The following FABP7 variants were observed in gnomAD, a reference collection of about 807,000 sequenced individuals.
The protein encoded by FABP7 is fatty acid-binding protein, brain.
A neutral mutation model predicts 14.2 loss-of-function variants in FABP7; 13 were observed. That is an observed-to-expected ratio of 0.91 (90% confidence interval 0.59 to 1.45). The LOEUF (loss-of-function observed/expected upper bound fraction) is 1.45, where lower values mean the gene tolerates loss of function less well. Among genes scored for constraint, FABP7 ranks in the 40% most tolerant of loss-of-function variants. FABP7 has a pLI of 0.00. For synonymous variants in FABP7, 49 were observed against 51.4 expected (o/e 0.95, Z 0.20); for missense variants, 149 against 157.6 (o/e 0.95, Z 0.29).
the FABP7 span, among the ~76,000 whole-genome samples, chr6:122,765,632 C>T: frequency 6.6e-6 from 1 of 152,010 alleles, no homozygotes; most frequent in Non-Finnish European, 1.5e-5. Flanking sequence ...CTATTCATTA[C>T]TGTCTCCTAT....
chr6:122,751,708 G>A, the FABP7 span, among the ~76,000 whole-genome samples: 4 of 152,142 alleles, frequency 2.6e-5, no homozygotes, highest in Admixed American at 1.3e-4. Flanking sequence ...CCTGGGAACT[G>A]AGGTACAAAC....
chr6:122,782,491 A>G, intron 3 of FABP7: 1 of 969,158 alleles, frequency 1.0e-6, no homozygotes, highest in Non-Finnish European at 1.2e-6. Flanking sequence ...GATCAAATAT[A>G]AAATAATTAA....
At chr6:122,753,569 ACT>A in the FABP7 span, among the ~76,000 whole-genome samples, 25 of 152,260 alleles carry the variant, frequency 1.6e-4, no homozygotes, top group East Asian at 4.4e-3. Flanking sequence ...CACAGTGGGT[ACT>A]GTCACCGATA....
At chr6:122,755,504 G>A in the FABP7 span, among the ~76,000 whole-genome samples, 1 of 144,686 alleles carries the variant, frequency 6.9e-6, no homozygotes, top group African/African-American at 2.5e-5. Context: ...TGTAGCCCAG[G>A]CTGGAGTGGT....
chr6:122,754,806 A>G, the FABP7 span, among the ~76,000 whole-genome samples: 3 of 151,720 alleles, frequency 2.0e-5, no homozygotes, highest in Admixed American at 1.3e-4. Flanking sequence ...CTCACCACCT[A>G]TCTCTTAAAC....
chr6:122,783,122 T>C (rs1780835796), intron 3 of FABP7: 3 of 985,358 alleles, frequency 3.0e-6, no homozygotes, highest in Non-Finnish European at 3.6e-6. Flanking sequence ...AGTGGTTTTA[T>C]AATAACTCTT....
At position 122,780,336 on chromosome 6, in the gene FABP7, C is replaced by T. The variant is rs202040158; in HGVS notation, c.119C>T (p.Thr40Met). The T allele has an allele frequency of 2.4e-4, 388 of 1,613,920 alleles. No homozygotes were observed. Among genetic ancestry groups the T allele is most frequent in the Non-Finnish European group, 3.0e-4 (355 of 1,180,016 alleles). Residue 40 changes from threonine to methionine, a missense_variant, in exon 2 of 4, where the codon ACG becomes ATG. Transcript: ENST00000368444. The part of the protein sequence containing the change: ...TRQVGNVTKP[T>M]VIISQEGDKV... ...CAGGTGGGAAATGTGACCAAACCAA[C>T]GGTAATTATCAGTCAAGAAGGAGAC...
intron 2 of FABP7, 33 bp downstream of exon 2, chr6:122,780,496 G>A: frequency 6.3e-7 from 1 of 1,593,094 alleles, no homozygotes; most frequent in South Asian, 1.1e-5. Context: ...GAGTGGGGAT[G>A]GGGAGAGGGG....
chr6:122,768,380 G>T, the FABP7 span, among the ~76,000 whole-genome samples: 2 of 152,090 alleles, frequency 1.3e-5, no homozygotes, highest in African/African-American at 4.8e-5. Flanking sequence ...TATTGCACAT[G>T]TAAAAAAGTT....
chr6:122,758,918 G>A, the FABP7 span, among the ~76,000 whole-genome samples: 1 of 152,144 alleles, frequency 6.6e-6, no homozygotes, highest in East Asian at 1.9e-4. Flanking sequence ...CTGCTCAATA[G>A]GACAGCAATT....
At chr6:122,753,780 T>TCC in the FABP7 span, among the ~76,000 whole-genome samples, 165 of 45,040 alleles carry the variant, frequency 3.7e-3, no homozygotes, top group East Asian at 5.0e-3. Context: ...TGGGTCCAAA[T>TCC]CCCGCCCCCC....
chr6:122,781,027 C>T lies in FABP7; in HGVS notation c.247-66C>T, dbSNP rs193060638. 5.6e-5 allele frequency: 84 copies of T among 1,512,806 alleles called. No individual in the cohort carries two copies. In the East Asian group the frequency reaches 6.2e-4, roughly 11 times the overall value. 93.7% of individuals were successfully genotyped at this position (1,512,806 alleles called of 1,614,324 possible). A position where few individuals can be genotyped will look rare whatever the true frequency, so the allele number is the denominator to read the frequency against. On this transcript the variant is annotated intron_variant, in intron 2 of 3. Transcript: ENST00000368444. Reference sequence around the variant, plus strand: ...TATACAACTCTTTCAAAAATCACATCGTCTTCCGTATCAGAAATCTGAATT... The same window carrying T: ...TATACAACTCTTTCAAAAATCACATTGTCTTCCGTATCAGAAATCTGAATT...
At chr6:122,783,579 T>C in intron 3 of FABP7, 138 bp from the exon 4 acceptor site, 1 of 1,395,660 alleles carries the variant, frequency 7.2e-7, no homozygotes, top group Admixed American at 3.5e-5. Context: ...TTTCAAGATG[T>C]GAAATGCTTA....
the FABP7 span, among the ~76,000 whole-genome samples, chr6:122,749,299 G>T: frequency 1.3e-5 from 2 of 152,128 alleles, no homozygotes; most frequent in Non-Finnish European, 2.9e-5. Context: ...AAGGATTGGA[G>T]ATCTGCACTT....
At chr6:122,766,201 A>C in the FABP7 span, among the ~76,000 whole-genome samples, 3 of 152,086 alleles carry the variant, frequency 2.0e-5, no homozygotes, top group African/African-American at 7.2e-5. Flanking sequence ...TACTTCCCTG[A>C]GGCTTTTTAA....
At position 122,781,150 on chromosome 6, in the gene FABP7, G is replaced by C. The variant is rs1780772239; in HGVS notation, c.304G>C (p.Glu102Gln). ...LVHIQKWDGK[E>Q]TNFVREIKDG... ...TCACATACAGAAATGGGATGGCAAA[G>C]AAACAAATTTTGTAAGAGAAATTAA... The change falls in exon 3 of 4, where the codon GAA (glutamate) becomes CAA (glutamine). Residue 102 changes from glutamate to glutamine, a missense_variant. Glu to Gln is a conservative substitution (Grantham distance 29). Coordinates refer to ENST00000368444, the MANE Select transcript of FABP7 (RefSeq NM_001446.5). 6.2e-7 allele frequency: 1 copy of C among 1,613,990 alleles called. No homozygotes were observed. Among genetic ancestry groups the C allele is most frequent in the Non-Finnish European group, 8.5e-7 (1 of 1,179,940 alleles).
chr6:122,752,206 A>G, the FABP7 span, among the ~76,000 whole-genome samples: 1 of 152,188 alleles, frequency 6.6e-6, no homozygotes, highest in Non-Finnish European at 1.5e-5. Flanking sequence ...TCAAAATGTT[A>G]TTTTGTTCTA....
At chr6:122,779,948 T>A (rs1456815718) in intron 1 of FABP7, 81 bp downstream of exon 1, 1 of 1,345,676 alleles carries the variant, frequency 7.4e-7, no homozygotes, top group East Asian at 2.3e-5. Context: ...ACTCATCAGG[T>A]CAGCAAGAGG....
the FABP7 span, among the ~76,000 whole-genome samples, chr6:122,759,073 G>C: frequency 6.6e-6 from 1 of 152,156 alleles, no homozygotes; most frequent in African/African-American, 2.4e-5. Context: ...TTATAAAGCA[G>C]GGCCACTAGG....
Sources: gnomAD v4.1 joint callset for allele counts (sites outside exome capture counted in the v4.1 genomes callset) on GRCh38, gnomAD v4.1.1 for gene constraint, MANE v1.5 for transcripts, NCBI Gene and HGNC (gene_info 2026-07-23, HGNC 2026-07-21) for gene names.